The following C6orf52 variants were observed in gnomAD, a reference collection of about 807,000 sequenced individuals.
The protein encoded by C6orf52 is putative uncharacterized protein C6orf52.
C6orf52 carries 16 observed loss-of-function variants against 16.6 expected under a neutral mutation model. The observed-to-expected ratio is 0.96, with a 90% CI of 0.65 to 1.46. C6orf52 has a LOEUF of 1.46. Among genes scored for constraint, C6orf52 ranks in the 40% most tolerant of loss-of-function variants. C6orf52 has a pLI of 0.00. For synonymous variants in C6orf52, 53 were observed against 61.4 expected (o/e 0.86, Z 0.64); for missense variants, 166 against 182.3 (o/e 0.91, Z 0.52).
intron 1 of C6orf52, among the ~76,000 whole-genome samples, chr6:10,688,575 G>A (rs1033182435): frequency 6.6e-6 from 1 of 152,252 alleles, no homozygotes; most frequent in East Asian, 1.9e-4. Context: ...GTATCCATGG[G>A]AGATTGTTTA....
rs777617598 is a variant in C6orf52 at position 10,687,044 on chromosome 6, T to C, written c.192A>G (p.Ala64=). Reference sequence around the variant, plus strand: ...AACAGTCCTTTCCATTTCCATCCACTGCACAGCCATAGCTGTAGCCAGAAA... The same window carrying C: ...AACAGTCCTTTCCATTTCCATCCACCGCACAGCCATAGCTGTAGCCAGAAA... ...YLLSGYSYGC[A]VDGNGKDCFS... The change falls in exon 3 of 5, where the codon GCA becomes GCG. Residue 64 remains alanine (A), a synonymous_variant. Transcript: ENST00000259983. 26 of 1,551,592 alleles carry C rather than the reference T, an allele frequency of 1.7e-5. No homozygotes were observed. The East Asian group carries it at 4.6e-4, about 28-fold the overall frequency.
At chr6:10,686,803 T>C (rs897933886) in intron 3 of C6orf52, among the ~76,000 whole-genome samples, 163 bp downstream of exon 3, 2 of 152,184 alleles carry the variant, frequency 1.3e-5, no homozygotes, top group African/African-American at 4.8e-5. Flanking sequence ...TATACAAACA[T>C]TTTTCTTAGG....
chr6:10,693,287 C>T (rs757163837), intron 1 of C6orf52, among the ~76,000 whole-genome samples: 7 of 152,214 alleles, frequency 4.6e-5, no homozygotes, highest in Middle Eastern at 3.2e-3. Context: ...CACCATCGTT[C>T]CATCTGCAAT....
chr6:10,686,540 T>C (rs1768881720), intron 3 of C6orf52, among the ~76,000 whole-genome samples: 1 of 152,204 alleles, frequency 6.6e-6, no homozygotes, highest in Non-Finnish European at 1.5e-5. Context: ...TATGTCCAAC[T>C]GCTATAAAAC....
At chr6:10,682,348 A>C in intron 4 of C6orf52, among the ~76,000 whole-genome samples, 1 of 152,244 alleles carries the variant, frequency 6.6e-6, no homozygotes. Context: ...ACTCATGTTT[A>C]AATCAAAGTA....
intron 3 of C6orf52, among the ~76,000 whole-genome samples, chr6:10,683,700 T>C (rs1768606887): frequency 6.6e-6 from 1 of 152,212 alleles, no homozygotes; most frequent in Admixed American, 6.5e-5. Context: ...GTGACTCAGC[T>C]AAGAACCAGG....
intron 1 of C6orf52, among the ~76,000 whole-genome samples, chr6:10,692,497 G>A (rs990623011): frequency 3.3e-5 from 5 of 152,196 alleles, no homozygotes; most frequent in Non-Finnish European, 7.4e-5. Context: ...CTGGAGTGCA[G>A]TGGCGGGATC....
intron 3 of C6orf52, among the ~76,000 whole-genome samples, chr6:10,683,929 A>G (rs143807678): frequency 6.6e-6 from 1 of 152,300 alleles, no homozygotes; most frequent in East Asian, 1.9e-4. Context: ...ATTCCAAGGA[A>G]TCACTATCAA....
chr6:10,679,209 G>A lies in C6orf52; in HGVS notation c.316+3978C>T, dbSNP rs184717480. On this transcript the variant is annotated intron_variant, in intron 4 of 4. Coordinates refer to ENST00000259983, the MANE Select transcript of C6orf52 (RefSeq NM_001145020.3). Reference sequence around the variant, plus strand: ...AATCCCAGCACTTTGGGAGGATGACGTGGGTGGATCACCTGAGGCCAGGAG... The same window carrying A: ...AATCCCAGCACTTTGGGAGGATGACATGGGTGGATCACCTGAGGCCAGGAG... Among the ~76,000 whole-genome samples, 82 of 152,130 alleles carry A rather than the reference G, an allele frequency of 5.4e-4. 1 individual carries two copies. In the East Asian group the frequency reaches 0.011, roughly 21 times the overall value.
At chr6:10,686,105 A>G (rs933481500) in intron 3 of C6orf52, among the ~76,000 whole-genome samples, 2 of 152,196 alleles carry the variant, frequency 1.3e-5, no homozygotes, top group African/African-American at 4.8e-5. Flanking sequence ...ATCATGGCTC[A>G]TTGCAGCCTC....
intron 1 of C6orf52, among the ~76,000 whole-genome samples, chr6:10,693,042 T>A (rs1769485917): frequency 6.6e-6 from 1 of 152,244 alleles, no homozygotes; most frequent in Non-Finnish European, 1.5e-5. Context: ...AAGACTAACT[T>A]ACTTCAAGCC....
intron 3 of C6orf52, among the ~76,000 whole-genome samples, chr6:10,685,823 G>C (rs1000972574): frequency 4.6e-5 from 7 of 152,142 alleles, no homozygotes; most frequent in African/African-American, 1.7e-4. Context: ...AGAGTAGCAA[G>C]AACACCCACC....
At chr6:10,678,728 G>A (rs1015806291) in intron 4 of C6orf52, among the ~76,000 whole-genome samples, 4 of 152,062 alleles carry the variant, frequency 2.6e-5, no homozygotes, top group Non-Finnish European at 1.5e-5. Context: ...AGAATCACTT[G>A]AGCTCAGGAG....
chr6:10,689,684 A>T (rs1769127986), intron 1 of C6orf52, among the ~76,000 whole-genome samples: 1 of 152,118 alleles, frequency 6.6e-6, no homozygotes, highest in Non-Finnish European at 1.5e-5. Context: ...TGGTGCTGGG[A>T]TTACAAATAT....
chr6:10,688,839 T>C (rs1454195481), intron 1 of C6orf52, among the ~76,000 whole-genome samples: 1 of 152,168 alleles, frequency 6.6e-6, no homozygotes, highest in Non-Finnish European at 1.5e-5. Flanking sequence ...TGAGATGGAG[T>C]CTCCCTCTGT....
chr6:10,676,036 A>T (rs1767846857), intron 4 of C6orf52, among the ~76,000 whole-genome samples: 1 of 152,110 alleles, frequency 6.6e-6, no homozygotes, highest in African/African-American at 2.4e-5. Context: ...GGAGTCTGAG[A>T]CTGGGTTCAT....
At chr6:10,688,133 C>T (rs1291532984) in intron 1 of C6orf52, among the ~76,000 whole-genome samples, 2 of 151,988 alleles carry the variant, frequency 1.3e-5, no homozygotes, top group African/African-American at 2.4e-5. Context: ...CTTCTCTCCT[C>T]TTCTCTTACG....
chr6:10,676,403 TAACA>T (rs1296096632), intron 4 of C6orf52, among the ~76,000 whole-genome samples: 2 of 152,220 alleles, frequency 1.3e-5, no homozygotes, highest in African/African-American at 4.8e-5. Context: ...TTTTCTTTTC[TAACA>T]AACAGCAACC....
intron 1 of C6orf52, among the ~76,000 whole-genome samples, chr6:10,689,697 C>T (rs547348742): frequency 7.2e-5 from 11 of 152,174 alleles, no homozygotes; most frequent in Non-Finnish European, 8.8e-5. Context: ...ACAAATATGA[C>T]GGCTGGTGTC....
Sources: gnomAD v4.1 joint callset for allele counts (sites outside exome capture counted in the v4.1 genomes callset) on GRCh38, gnomAD v4.1.1 for gene constraint, MANE v1.5 for transcripts, NCBI Gene and HGNC (gene_info 2026-07-23, HGNC 2026-07-21) for gene names.